Variants in IMMP2L observed in about 807,000 individuals in gnomAD.
The protein encoded by IMMP2L is inner mitochondrial membrane peptidase subunit 2, also known as mitochondrial inner membrane protease subunit 2.
Under a neutral mutation model 19.3 loss-of-function variants are expected in IMMP2L, and 18 were observed. That is an observed-to-expected ratio of 0.93 (90% CI 0.64 to 1.38). The LOEUF is 1.38. IMMP2L is among the 40% of genes most tolerant of loss of function. The pLI is 0.00. For synonymous variants in IMMP2L, 76 were observed against 73.0 expected (o/e 1.04, Z -0.21); for missense variants, 233 against 218.2 (o/e 1.07, Z -0.43).
chr7:111,475,931 T>C (rs912111594), intron 3 of IMMP2L, among the ~76,000 whole-genome samples: 10 of 152,166 alleles, frequency 6.6e-5, no homozygotes, highest in African/African-American at 2.4e-4. Flanking sequence ...TGTGCCAATA[T>C]AGCTCTTCTT....
At chr7:111,131,032 T>C (rs1288838636) in intron 3 of IMMP2L, among the ~76,000 whole-genome samples, 1 of 151,940 alleles carries the variant, frequency 6.6e-6, no homozygotes, top group Non-Finnish European at 1.5e-5. Flanking sequence ...AAATTACATA[T>C]AAAATGCATG....
chr7:111,095,395 T>C (rs1025131524), intron 3 of IMMP2L, among the ~76,000 whole-genome samples: 1 of 151,876 alleles, frequency 6.6e-6, no homozygotes, highest in Non-Finnish European at 1.5e-5. Context: ...AAAATAATGT[T>C]TTCTCAAAAA....
chr7:111,240,509 G>A (rs368469811), intron 3 of IMMP2L, among the ~76,000 whole-genome samples: 4 of 151,944 alleles, frequency 2.6e-5, no homozygotes, highest in South Asian at 2.1e-4. Flanking sequence ...AAACCCCTTC[G>A]GTGTGAGATG....
intron 3 of IMMP2L, among the ~76,000 whole-genome samples, chr7:111,111,426 G>A (rs768161407): frequency 3.9e-4 from 56 of 143,888 alleles, no homozygotes; most frequent in Non-Finnish European, 7.3e-4. Flanking sequence ...AAAATGGCCC[G>A]TTAGTATTTT....
intron 3 of IMMP2L, among the ~76,000 whole-genome samples, chr7:111,257,214 G>A (rs985041086): frequency 3.0e-4 from 46 of 151,998 alleles, no homozygotes; most frequent in Non-Finnish European, 5.6e-4. Flanking sequence ...CATACTAAAA[G>A]AGCCATCTTA....
At chr7:111,018,706 G>T (rs1018593714) in intron 3 of IMMP2L, among the ~76,000 whole-genome samples, 1 of 151,742 alleles carries the variant, frequency 6.6e-6, no homozygotes, top group African/African-American at 2.4e-5. Flanking sequence ...TACCAAATAG[G>T]TAGTAAAAGG....
chr7:111,330,922 A>C (rs1825812903), intron 3 of IMMP2L, among the ~76,000 whole-genome samples: 1 of 151,952 alleles, frequency 6.6e-6, no homozygotes, highest in South Asian at 2.1e-4. Context: ...AAAAGACAAA[A>C]GTTAACAAAT....
chr7:110,676,578 G>C (rs1207925851), intron 5 of IMMP2L, among the ~76,000 whole-genome samples: 1 of 152,156 alleles, frequency 6.6e-6, no homozygotes, highest in Admixed American at 6.5e-5. Flanking sequence ...AAGGAGGAAA[G>C]CTTGTTTGGA....
chr7:111,121,924 T>G (rs901225720), intron 3 of IMMP2L, among the ~76,000 whole-genome samples: 1 of 152,126 alleles, frequency 6.6e-6, no homozygotes, highest in East Asian at 1.9e-4. Flanking sequence ...TCATGTCCTT[T>G]GTAGGGACAT....
intron 3 of IMMP2L, among the ~76,000 whole-genome samples, chr7:111,474,497 G>A (rs1482097206): frequency 6.6e-6 from 1 of 151,680 alleles, no homozygotes; most frequent in African/African-American, 2.4e-5. Context: ...TAGCACCTAA[G>A]GCAGTTTTCC....
chr7:111,409,308 T>C lies in IMMP2L; in HGVS notation c.239+77930A>G, dbSNP rs1185582480. Among the ~76,000 whole-genome samples the C allele has an allele frequency of 7.9e-5, 12 of 151,664 alleles. 1 individual carries two copies. Among genetic ancestry groups the C allele is most frequent in the Admixed American group, 7.9e-4 (12 of 15,238 alleles). On this transcript the variant is annotated intron_variant, in intron 3 of 5. Coordinates refer to ENST00000405709, the MANE Select transcript of IMMP2L (RefSeq NM_032549.4). The stretch of plus-strand genomic sequence containing the variant: ...CATCAGTAATAAATTTATGATTCAA[T>C]ATGGTTATCAGCCCACAGCTAAAAA...
chr7:111,481,894 T>A (rs1277653775), intron 3 of IMMP2L, among the ~76,000 whole-genome samples: 1 of 152,142 alleles, frequency 6.6e-6, no homozygotes, highest in African/African-American at 2.4e-5. Context: ...ACTAGGCATA[T>A]TTAAAAAGGA....
intron 1 of IMMP2L, among the ~76,000 whole-genome samples, chr7:111,553,031 C>T (rs1364238780): frequency 6.6e-6 from 1 of 152,120 alleles, no homozygotes; most frequent in African/African-American, 2.4e-5. Context: ...ACTTCCACTC[C>T]TGCTGATATC....
chr7:110,784,300 T>C (rs571446984), intron 5 of IMMP2L, among the ~76,000 whole-genome samples: 35 of 152,076 alleles, frequency 2.3e-4, no homozygotes, highest in Admixed American at 5.2e-4. Flanking sequence ...AGTTTTTGCA[T>C]ATATTTGATC....
chr7:111,376,150 C>T (rs529528018), intron 3 of IMMP2L, among the ~76,000 whole-genome samples: 2 of 152,092 alleles, frequency 1.3e-5, no homozygotes, highest in Non-Finnish European at 2.9e-5. Context: ...TGTTACATAA[C>T]GCACACTCAA....
At chr7:111,132,121 T>C (rs894144994) in intron 3 of IMMP2L, among the ~76,000 whole-genome samples, 5 of 152,000 alleles carry the variant, frequency 3.3e-5, no homozygotes, top group Non-Finnish European at 7.4e-5. Flanking sequence ...ATTTGTCAAA[T>C]TGCAGTTACT....
intron 3 of IMMP2L, among the ~76,000 whole-genome samples, chr7:111,161,100 T>A (rs968720746): frequency 2.6e-5 from 4 of 151,896 alleles, no homozygotes; most frequent in Non-Finnish European, 5.9e-5. Flanking sequence ...TTAAAATCTT[T>A]CCATAAATAC....
At chr7:111,208,883 A>G (rs1037377044) in intron 3 of IMMP2L, among the ~76,000 whole-genome samples, 2 of 152,150 alleles carry the variant, frequency 1.3e-5, no homozygotes, top group African/African-American at 4.8e-5. Context: ...TAGATTTTTA[A>G]AATTAGCTAT....
intron 3 of IMMP2L, among the ~76,000 whole-genome samples, chr7:110,985,238 T>C (rs1207282090): frequency 2.6e-5 from 4 of 152,126 alleles, no homozygotes; most frequent in Non-Finnish European, 4.4e-5. Flanking sequence ...TATAACATAA[T>C]AAACATTTGT....
Sources: gnomAD v4.1 joint callset for allele counts (sites outside exome capture counted in the v4.1 genomes callset) on GRCh38, gnomAD v4.1.1 for gene constraint, MANE v1.5 for transcripts, NCBI Gene and HGNC (gene_info 2026-07-23, HGNC 2026-07-21) for gene names.